ITPA: variants seen among roughly 807,000 people sequenced by gnomAD.
ITPA encodes inosine triphosphatase.
Under a neutral mutation model 29.6 loss-of-function variants are expected in ITPA, and 29 were observed. The observed-to-expected ratio is 0.98, with a 90% CI of 0.73 to 1.34. ITPA has a LOEUF of 1.34. ITPA is among the 40% of genes most tolerant of loss of function. ITPA has a pLI of 0.00. For missense variants in ITPA, 241 were observed against 251.5 expected (o/e 0.96, Z 0.28); for synonymous variants, 103 against 99.3 (o/e 1.04, Z -0.22).
chr20:3,214,155 CT>C, intron 4 of ITPA, 97 bp downstream of exon 4: 1 of 1,036,750 alleles, frequency 9.6e-7, no homozygotes, highest in Non-Finnish European at 1.5e-6. Context: ...CATTCCCTGT[CT>C]TAGCATCAAC....
chr20:3,209,991 G>A lies in ITPA; in HGVS notation c.66+374G>A, dbSNP rs966834584. On this transcript the variant is annotated intron_variant, in intron 1 of 7. Coordinates refer to ENST00000380113, the MANE Select transcript of ITPA (RefSeq NM_033453.4). The surrounding 1 kb of genome is among the most constrained non-coding windows in gnomAD (Gnocchi z 4.6). ...GGGACTTATCCACATCCCGCTGCTGGGCCAGGGCTAGCAGGACCCAGAGAG... is the reference window on the plus strand; with the variant it reads ...GGGACTTATCCACATCCCGCTGCTGAGCCAGGGCTAGCAGGACCCAGAGAG... Among the ~76,000 whole-genome samples the A allele has an allele frequency of 6.6e-6, 1 of 152,164 alleles. No individual in the cohort carries two copies. The highest frequency in any genetic ancestry group is 6.5e-5 in the Admixed American group (1 of 15,276).
intron 5 of ITPA, among the ~76,000 whole-genome samples, chr20:3,217,552 C>T (rs945342205): frequency 6.6e-6 from 1 of 151,922 alleles, no homozygotes; most frequent in African/African-American, 2.4e-5. Context: ...CGGCTCACTG[C>T]CCACCATCAG....
chr20:3,222,556 G>A (rs1324735343), intron 7 of ITPA, among the ~76,000 whole-genome samples: 1 of 152,134 alleles, frequency 6.6e-6, no homozygotes, highest in Non-Finnish European at 1.5e-5. Context: ...ATCTAGGTTG[G>A]GAAAATGTCC....
At position 3,211,869 on chromosome 20, in the gene ITPA, C is replaced by G. The variant is rs2067183640; in HGVS notation, c.67-1300C>G. Among the ~76,000 whole-genome samples, 4 of 152,250 alleles carry G rather than the reference C, an allele frequency of 2.6e-5. No homozygotes were observed. In the East Asian group the frequency reaches 7.7e-4, roughly 29 times the overall value. ...GGAATCTTTCTCAGGAAAATAGTTT[C>G]AAATGTACAAAATAAAATACATGGT... On this transcript the variant is annotated intron_variant, in intron 1 of 7. Coordinates refer to ENST00000380113, the MANE Select transcript of ITPA (RefSeq NM_033453.4).
chr20:3,213,131 C>T, intron 1 of ITPA, 38 bp from the exon 2 acceptor site: 1 of 1,588,352 alleles, frequency 6.3e-7, no homozygotes, highest in South Asian at 1.1e-5. Context: ...TGGAGAATCA[C>T]TAGATGGTGA....
chr20:3,218,491 A>G (rs1244912126), intron 5 of ITPA, 26 bp from the exon 6 acceptor site: 3 of 1,529,992 alleles, frequency 2.0e-6, no homozygotes, highest in Non-Finnish European at 1.8e-6. Context: ...TTAGGGATGC[A>G]CTGAGCCCTC....
At chr20:3,215,424 T>C (rs2067271976) in intron 5 of ITPA, 112 bp downstream of exon 5, 16 of 926,916 alleles carry the variant, frequency 1.7e-5, no homozygotes, top group Non-Finnish European at 2.6e-5. Flanking sequence ...GCCCCCACCA[T>C]GGAGCCTCCA....
Position 3,218,549 on chromosome 20 carries a change from A to C in ITPA, c.328A>C (p.Lys110Gln). ...LHQLLAGFED[K>Q]SAYALCTFAL... ...CCAGCTCCTGGCCGGGTTCGAGGACAAGTCAGCCTATGCGCTCTGCACGTT... is the reference window on the plus strand; with the variant it reads ...CCAGCTCCTGGCCGGGTTCGAGGACCAGTCAGCCTATGCGCTCTGCACGTT... Residue 110 changes from lysine to glutamine, a missense_variant, in exon 6 of 8, where the codon AAG becomes CAG. By Grantham distance (53) the Lys-to-Gln change is moderately conservative. Coordinates refer to ENST00000380113, the MANE Select transcript of ITPA (RefSeq NM_033453.4). 6.2e-7 allele frequency: 1 copy of C among 1,613,944 alleles called. No individual in the cohort carries two copies. Among genetic ancestry groups the C allele is most frequent in the Non-Finnish European group, 8.5e-7 (1 of 1,180,020 alleles).
chr20:3,218,792 A>G, intron 6 of ITPA, 160 bp downstream of exon 6: 2 of 687,238 alleles, frequency 2.9e-6, no homozygotes, highest in South Asian at 3.1e-5. Context: ...CATAGGTAGA[A>G]GTGCTGTGGA....
At chr20:3,204,615 C>A (rs1373628566), upstream of ITPA, 3 of 1,588,326 alleles carry the variant, frequency 1.9e-6, no homozygotes, top group South Asian at 3.4e-5. Flanking sequence ...AAGTACCACA[C>A]AGGCGCCACC....
upstream of ITPA, among the ~76,000 whole-genome samples, chr20:3,207,773 T>A (rs567160320): frequency 1.7e-4 from 26 of 151,872 alleles, no homozygotes; most frequent in African/African-American, 5.1e-4. Flanking sequence ...GAGGTGGGCA[T>A]ATCACGACGT....
chr20:3,219,708 G>T (rs1314493045), intron 6 of ITPA, among the ~76,000 whole-genome samples: 10 of 145,710 alleles, frequency 6.9e-5, no homozygotes, highest in South Asian at 2.2e-4. Flanking sequence ...TCTCGCCACT[G>T]CACTCCAGCC....
chr20:3,224,395 C>T (rs2067536607), downstream of ITPA, among the ~76,000 whole-genome samples: 1 of 152,068 alleles, frequency 6.6e-6, no homozygotes, highest in Non-Finnish European at 1.5e-5. Flanking sequence ...TGCTCAACCC[C>T]AAGGATATTC....
At chr20:3,221,943 G>T in intron 7 of ITPA, 26 bp downstream of exon 7, 1 of 1,606,776 alleles carries the variant, frequency 6.2e-7, no homozygotes, top group Non-Finnish European at 8.5e-7. Context: ...TTTCTTCCCT[G>T]GGGTGTGGGG....
chr20:3,204,224 G>A (rs2067055185), upstream of ITPA, among the ~76,000 whole-genome samples: 1 of 152,232 alleles, frequency 6.6e-6, no homozygotes, highest in African/African-American at 2.4e-5. Context: ...AGAGGGAAAG[G>A]GCCCCGACGG....
At chr20:3,218,352 A>C (rs1190361302) in intron 5 of ITPA, among the ~76,000 whole-genome samples, 165 bp from the exon 6 acceptor site, 1 of 152,162 alleles carries the variant, frequency 6.6e-6, no homozygotes, top group African/African-American at 2.4e-5. Flanking sequence ...CTTCCATTTC[A>C]AGCCTAGTCC....
upstream of ITPA, among the ~76,000 whole-genome samples, chr20:3,206,431 G>A (rs2067070904): frequency 1.5e-5 from 2 of 136,880 alleles, no homozygotes; most frequent in South Asian, 2.5e-4. Flanking sequence ...CGTGGCTCAC[G>A]CCTACAATCC....
chr20:3,217,037 C>T (rs192034960), intron 5 of ITPA, among the ~76,000 whole-genome samples: 6 of 152,180 alleles, frequency 3.9e-5, no homozygotes, highest in South Asian at 2.1e-4. Context: ...CCCACCACCA[C>T]GCCTAGCTAA....
intron 6 of ITPA, among the ~76,000 whole-genome samples, chr20:3,221,365 C>T (rs1429809769): frequency 1.3e-5 from 2 of 152,178 alleles, no homozygotes; most frequent in Admixed American, 1.3e-4. Flanking sequence ...AGTTGGGTAC[C>T]TGCTTCCTGT....
Sources: gnomAD v4.1 joint callset for allele counts (sites outside exome capture counted in the v4.1 genomes callset) on GRCh38, gnomAD v4.1.1 for gene constraint, Gnocchi (gnomAD v3.1) non-coding constraint, MANE v1.5 for transcripts, NCBI Gene and HGNC (gene_info 2026-07-23, HGNC 2026-07-21) for gene names.